The following CD48 variants were observed in gnomAD, a reference collection of about 807,000 sequenced individuals.
CD48 encodes CD48 molecule, also known as CD48 antigen.
CD48 carries 20 observed loss-of-function variants against 22.0 expected under a neutral mutation model. The observed-to-expected ratio is 0.91, with a 90% CI of 0.64 to 1.32. The LOEUF (loss-of-function observed/expected upper bound fraction) is 1.32, where lower values mean the gene tolerates loss of function less well. CD48 is among the 40% of genes most tolerant of loss of function. CD48 has a pLI of 0.00. For synonymous variants in CD48, 110 were observed against 110.1 expected (o/e 1.00, Z 0.01); for missense variants, 307 against 286.5 (o/e 1.07, Z -0.52).
intron 2 of CD48, chr1:160,683,860 C>A (rs2102405688): frequency 6.6e-6 from 1 of 152,262 alleles, no homozygotes; most frequent in East Asian, 1.9e-4. Flanking sequence ...GATTATTTAG[C>A]CCCGCTCTTC....
chr1:160,711,743 A>T lies in CD48; in HGVS notation c.21T>A (p.Asp7Glu), dbSNP rs1053592205. The T allele has an allele frequency of 5.0e-6, 8 of 1,613,530 alleles. No homozygotes were observed. The highest frequency in any genetic ancestry group is 6.8e-6 in the Non-Finnish European group (8 of 1,179,656). The change falls in exon 1 of 4, where the codon GAT becomes GAA. Residue 7 changes from aspartate to glutamate, a missense_variant. Physicochemically the swap from Asp to Glu is conservative, Grantham distance 45. Coordinates refer to ENST00000368046, the MANE Select transcript of CD48 (RefSeq NM_001778.4). MCSRGW[D>E]SCLALELLLL... Reference sequence around the variant, plus strand: ...GTAGCAATTCCAGAGCCAGACACGAATCCCAACCTCTGGAGCACATGCTTC... The same window carrying T: ...GTAGCAATTCCAGAGCCAGACACGATTCCCAACCTCTGGAGCACATGCTTC...
At chr1:160,696,284 T>C (rs1312690370) in intron 1 of CD48, among the ~76,000 whole-genome samples, 2 of 152,368 alleles carry the variant, frequency 1.3e-5, no homozygotes, top group African/African-American at 4.8e-5. Flanking sequence ...GCATATGTAG[T>C]ACAGGCTACA....
Position 160,684,941 on chromosome 1 carries a change from C to A in CD48, c.331G>T (p.Val111Leu). The A allele has an allele frequency of 6.2e-7, 1 of 1,614,160 alleles. No homozygotes were observed. Among genetic ancestry groups the A allele is most frequent in the South Asian group, 1.1e-5 (1 of 91,080 alleles). ...KEDNSTYIMR[V>L]LKKTGNEQEW... ...TGCTCATTCCCAGTCTTTTTCAACA[C>A]CCTCATGATGTAGGTGCTGTTGTCC... is the stretch of plus-strand genomic sequence containing the variant. The change falls in exon 2 of 4, where the codon GTG (valine) becomes TTG (leucine). Residue 111 changes from valine to leucine, a missense_variant. By Grantham distance (32) the Val-to-Leu change is conservative (BLOSUM62 1). Transcript: ENST00000368046.
chr1:160,690,593 G>A (rs942085848), intron 1 of CD48, among the ~76,000 whole-genome samples: 6 of 152,150 alleles, frequency 3.9e-5, no homozygotes, highest in Non-Finnish European at 8.8e-5. Flanking sequence ...CAACTTCATG[G>A]TTACCAGCAG....
chr1:160,694,703 G>T (rs1662346206), intron 1 of CD48, among the ~76,000 whole-genome samples: 1 of 152,104 alleles, frequency 6.6e-6, no homozygotes, highest in African/African-American at 2.4e-5. Context: ...TGGCATTAAA[G>T]TTCCAATTGA....
rs1662482207 is a variant in CD48 at position 160,697,695 on chromosome 1, G to T, written c.83-12506C>A. 2.0e-5 allele frequency among the ~76,000 whole-genome samples: 3 copies of T among 152,152 alleles called. No homozygotes were observed. In the South Asian group the frequency reaches 6.2e-4, roughly 31 times the overall value. On this transcript the variant is annotated intron_variant, in intron 1 of 3. Coordinates refer to ENST00000368046, the MANE Select transcript of CD48 (RefSeq NM_001778.4). ...ACTTGCCCCAAGGAAATTCCTAAAG[G>T]ATCAAAGAATACAGAAGTTTTAGTT...
intron 1 of CD48, among the ~76,000 whole-genome samples, chr1:160,694,430 A>G (rs9730045): frequency 0.31 from 45,621 of 148,748 alleles, 7,836 homozygotes; most frequent in Non-Finnish European, 0.4. Context: ...TAAACAAAAG[A>G]CTGTTACAGG....
chr1:160,689,486 T>C (rs939274628), intron 1 of CD48, among the ~76,000 whole-genome samples: 3 of 152,042 alleles, frequency 2.0e-5, no homozygotes, highest in East Asian at 1.9e-4. Context: ...GTAAGTGAGA[T>C]TGAGTGCTGA....
At chr1:160,693,352 A>C (rs200822811) in intron 1 of CD48, among the ~76,000 whole-genome samples, 2 of 104,522 alleles carry the variant, frequency 1.9e-5, no homozygotes, top group African/African-American at 9.3e-5. Flanking sequence ...CTGAGTGTCA[A>C]TCAGCCATTA....
intron 1 of CD48, among the ~76,000 whole-genome samples, chr1:160,706,841 T>C (rs113295000): frequency 2.6e-5 from 4 of 152,142 alleles, no homozygotes; most frequent in Non-Finnish European, 4.4e-5. Context: ...CCCAGGACCA[T>C]AGAGTCTCCC....
rs188065910 is a variant in CD48 at position 160,679,029 on chromosome 1, C to T, written c.*23G>A. ...GCAAGATCTTCTGGCCTTGAAGTTTCGCTTGAGTTAAAAGAGCTCATCTCA... is the reference window on the plus strand; with the variant it reads ...GCAAGATCTTCTGGCCTTGAAGTTTTGCTTGAGTTAAAAGAGCTCATCTCA... On this transcript the variant is annotated 3_prime_UTR_variant, in exon 4 of 4. Coordinates refer to ENST00000368046, the MANE Select transcript of CD48 (RefSeq NM_001778.4). 2.2e-4 allele frequency: 357 copies of T among 1,591,736 alleles called. No individual in the cohort carries two copies. The African/African-American group carries it at 3.6e-3, about 16-fold the overall frequency.
chr1:160,695,003 T>TA (rs1662362980), intron 1 of CD48, among the ~76,000 whole-genome samples: 1 of 152,212 alleles, frequency 6.6e-6, no homozygotes, highest in South Asian at 2.1e-4. Flanking sequence ...GTAAATGCCG[T>TA]AATTCAACCC....
chr1:160,700,836 C>G (rs1350061027), intron 1 of CD48, among the ~76,000 whole-genome samples: 1 of 152,136 alleles, frequency 6.6e-6, no homozygotes, highest in Non-Finnish European at 1.5e-5. Flanking sequence ...TATCGACCAC[C>G]ATTCCTAAAT....
chr1:160,706,775 T>C (rs1351541204), intron 1 of CD48, among the ~76,000 whole-genome samples: 3 of 152,094 alleles, frequency 2.0e-5, no homozygotes, highest in African/African-American at 7.2e-5. Context: ...ATGTTTCTAG[T>C]CTGTAGAAAA....
intron 1 of CD48, among the ~76,000 whole-genome samples, chr1:160,705,635 C>A (rs1348258555): frequency 2.0e-5 from 3 of 152,178 alleles, no homozygotes; most frequent in Non-Finnish European, 4.4e-5. Context: ...GGAGGACATT[C>A]TTTCTAGGAG....
At position 160,678,905 on chromosome 1, in the gene CD48, T is replaced by C; in HGVS notation, c.*147A>G. 1 of 621,522 alleles carries C rather than the reference T, an allele frequency of 1.6e-6. No individual in the cohort carries two copies. The highest frequency in any genetic ancestry group is 2.8e-5 in the Admixed American group (1 of 35,286). 38.5% of individuals were successfully genotyped at this position (621,522 alleles called of 1,614,324 possible). A position where few individuals can be genotyped will look rare whatever the true frequency, so the allele number is the denominator to read the frequency against. ...ATATAAAATTAAATAATAACCAGTA[T>C]TTAAAAGTTAACTTGAAAATCCTCG... On this transcript the variant is annotated 3_prime_UTR_variant, in exon 4 of 4. Coordinates refer to ENST00000368046, the MANE Select transcript of CD48 (RefSeq NM_001778.4).
chr1:160,711,597 A>G, intron 1 of CD48, 85 bp downstream of exon 1: 2 of 1,004,912 alleles, frequency 2.0e-6, no homozygotes, highest in East Asian at 2.4e-5. Flanking sequence ...TCTGGCTTCT[A>G]GGGTTGAACT....
chr1:160,691,203 G>A (rs11265467), intron 1 of CD48, among the ~76,000 whole-genome samples: 44,895 of 151,826 alleles, frequency 0.3, 7,320 homozygotes, highest in Non-Finnish European at 0.38. Context: ...CCCGACACCC[G>A]TAAAGGGTCT....
At chr1:160,681,751 G>C (rs889951724) in intron 2 of CD48, among the ~76,000 whole-genome samples, 7 of 152,180 alleles carry the variant, frequency 4.6e-5, no homozygotes, top group Admixed American at 2.6e-4. Flanking sequence ...TTATGATCGT[G>C]TGTGAGCCTG....
Sources: allele counts gnomAD v4.1 joint callset (sites outside exome capture counted in the v4.1 genomes callset), GRCh38; gene constraint gnomAD v4.1.1; transcripts MANE v1.5; gene names NCBI Gene and HGNC (gene_info 2026-07-23, HGNC 2026-07-21).